The following SNCAIP variants were observed in gnomAD, a reference collection of about 807,000 sequenced individuals.
The protein encoded by SNCAIP is synuclein alpha interacting protein, also known as synphilin-1.
SNCAIP carries 43 observed loss-of-function variants against 86.7 expected under a neutral mutation model. The observed-to-expected ratio is 0.50, with a 90% CI of 0.39 to 0.64. The LOEUF is 0.64. Ranked by LOEUF, SNCAIP falls within the 30% of genes least tolerant of loss-of-function variation. SNCAIP has a pLI of 0.00. For synonymous variants in SNCAIP, 417 were observed against 427.2 expected, an observed-to-expected ratio of 0.98 and a Z score of 0.29; for missense variants, 981 against 1,103.1, an observed-to-expected ratio of 0.89 and a Z score of 1.57.
At chr5:122,435,493 A>C (rs762650699) in intron 6 of SNCAIP, among the ~76,000 whole-genome samples, 12 of 152,156 alleles carry the variant, frequency 7.9e-5, no homozygotes, top group Non-Finnish European at 1.3e-4. Flanking sequence ...GTTACTTTCA[A>C]CATCAAACCT....
intron 1 of SNCAIP, among the ~76,000 whole-genome samples, chr5:122,330,903 A>G (rs559453791): frequency 2.6e-4 from 39 of 151,916 alleles, no homozygotes; most frequent in Middle Eastern, 6.8e-3. Context: ...CTGCAACTAG[A>G]TGGTCCCATT....
chr5:122,419,189 A>T (rs1175778794), intron 3 of SNCAIP, among the ~76,000 whole-genome samples: 1 of 152,012 alleles, frequency 6.6e-6, no homozygotes, highest in Admixed American at 6.6e-5. Context: ...TAGCATCTGG[A>T]TGTGTTAGGG....
chr5:122,380,086 T>C (rs181684502), intron 1 of SNCAIP, among the ~76,000 whole-genome samples: 3,374 of 152,130 alleles, frequency 0.022, 127 homozygotes, highest in African/African-American at 0.075. Context: ...CCTCTTTTTC[T>C]ATTGATTGGA....
At chr5:122,322,079 A>G (rs962293968) in intron 1 of SNCAIP, among the ~76,000 whole-genome samples, 1 of 152,226 alleles carries the variant, frequency 6.6e-6, no homozygotes, top group South Asian at 2.1e-4. Context: ...TTAAATATAC[A>G]AGAGAAGAGT....
chr5:122,406,846 C>A lies in SNCAIP; in HGVS notation c.130+2981C>A, dbSNP rs190756606. 9.6e-3 allele frequency among the ~76,000 whole-genome samples: 1,464 copies of A among 152,186 alleles called. 14 individuals carry two copies. Among genetic ancestry groups the A allele is most frequent in the Middle Eastern group, 0.017 (5 of 292 alleles). On this transcript the variant is annotated intron_variant, in intron 3 of 10. Coordinates refer to ENST00000261368, the MANE Select transcript of SNCAIP (RefSeq NM_005460.4). ...CCCAATCTCGGGTATTTCTTTATAGCAGTGCAAGAATAGACTAATATGATA... is the reference window on the plus strand; with the variant it reads ...CCCAATCTCGGGTATTTCTTTATAGAAGTGCAAGAATAGACTAATATGATA...
intron 1 of SNCAIP, among the ~76,000 whole-genome samples, chr5:122,323,698 G>T (rs1358770616): frequency 1.3e-5 from 2 of 152,178 alleles, no homozygotes; most frequent in African/African-American, 2.4e-5. Flanking sequence ...CACGAAAATA[G>T]AGTGTTCTTT....
upstream of SNCAIP, chr5:122,312,233 G>C (rs949740575): frequency 6.6e-6 from 1 of 151,124 alleles, no homozygotes; most frequent in Non-Finnish European, 1.5e-5. Context: ...TCCGTCGGTC[G>C]GTCAGTCAGT....
In SNCAIP at chr5:122,423,524, T is replaced by C; in HGVS notation, c.787T>C (p.Phe263Leu). 1 of 1,614,160 alleles carries C rather than the reference T, an allele frequency of 6.2e-7. No individual in the cohort carries two copies. ...GAGTAAAGACTTCCTAAACAAGACA[T>C]TTAGTGATCCTCATGGTCGAAAAGT... Reference protein sequence around the residue: ...NQSKDFLNKTFSDPHGRKVEK... With the variant: ...NQSKDFLNKTLSDPHGRKVEK... Residue 263 changes from phenylalanine to leucine, a missense_variant, in exon 4 of 11, where the codon TTT becomes CTT. By Grantham distance (22) the Phe-to-Leu change is conservative. Transcript: ENST00000261368.
intron 10 of SNCAIP, among the ~76,000 whole-genome samples, chr5:122,457,742 A>G (rs1161576574): frequency 2.0e-5 from 3 of 152,164 alleles, no homozygotes; most frequent in Admixed American, 6.5e-5. Flanking sequence ...ATTTTATACC[A>G]TGACTTGGAG....
chr5:122,452,653 A>G (rs1388262668), intron 10 of SNCAIP, among the ~76,000 whole-genome samples: 1 of 152,190 alleles, frequency 6.6e-6, no homozygotes, highest in Non-Finnish European at 1.5e-5. Flanking sequence ...TTCAGCTAGA[A>G]AAGGCATACT....
chr5:122,386,904 G>T (rs998227559), intron 1 of SNCAIP, among the ~76,000 whole-genome samples: 1 of 151,992 alleles, frequency 6.6e-6, no homozygotes, highest in African/African-American at 2.4e-5. Flanking sequence ...AAAAAGAAAT[G>T]GGATGATTTC....
chr5:122,371,472 A>G (rs1380926458), intron 1 of SNCAIP: 1 of 152,154 alleles, frequency 6.6e-6, no homozygotes, highest in Non-Finnish European at 1.5e-5. Context: ...CAGAGGTGTA[A>G]ACAACCATAT....
At chr5:122,344,154 G>A (rs550959709) in intron 1 of SNCAIP, among the ~76,000 whole-genome samples, 1 of 152,200 alleles carries the variant, frequency 6.6e-6, no homozygotes, top group East Asian at 1.9e-4. Flanking sequence ...CCGCTAAAAT[G>A]TAAGCTTCAT....
At chr5:122,397,874 T>G (rs1335707268) in intron 2 of SNCAIP, among the ~76,000 whole-genome samples, 2 of 151,916 alleles carry the variant, frequency 1.3e-5, no homozygotes, top group African/African-American at 4.8e-5. Context: ...TAAATAAAAC[T>G]AAGGGAACTA....
At chr5:122,398,773 G>A (rs1273610247) in intron 2 of SNCAIP, among the ~76,000 whole-genome samples, 4 of 151,998 alleles carry the variant, frequency 2.6e-5, no homozygotes, top group Non-Finnish European at 4.4e-5. Context: ...TCGCTTAGTC[G>A]GCTCCAGTTT....
At position 122,425,436 on chromosome 5, in the gene SNCAIP, G is replaced by T. The variant is rs145038921; in HGVS notation, c.1087G>T (p.Ala363Ser). 1.9e-6 allele frequency: 3 copies of T among 1,613,602 alleles called. No homozygotes were observed. The highest frequency in any genetic ancestry group is 2.5e-6 in the Non-Finnish European group (3 of 1,179,516). ...LLHIAASQGH[A>S]ECLQHLTSLM... ...ACATATTGCGGCGTCACAGGGACACGCAGAGTGTCTACAGCACCTCACTTC... is the reference window on the plus strand; with the variant it reads ...ACATATTGCGGCGTCACAGGGACACTCAGAGTGTCTACAGCACCTCACTTC... Residue 363 changes from alanine (A) to serine (S), a missense_variant, in exon 5 of 11, where the codon GCA becomes TCA. By Grantham distance (99) the Ala-to-Ser change is moderately conservative. Coordinates refer to ENST00000261368, the MANE Select transcript of SNCAIP (RefSeq NM_005460.4).
intron 1 of SNCAIP, among the ~76,000 whole-genome samples, chr5:122,323,069 A>C (rs1024670727): frequency 6.6e-6 from 1 of 152,178 alleles, no homozygotes; most frequent in Non-Finnish European, 1.5e-5. Context: ...GTTTAAAAGA[A>C]TTTTCATAAA....
Position 122,450,905 on chromosome 5 carries a change from G to A in SNCAIP, c.2058G>A (p.Glu686=). 1 of 1,614,080 alleles carries A rather than the reference G, an allele frequency of 6.2e-7. No individual in the cohort carries two copies. Among genetic ancestry groups the A allele is most frequent in the Non-Finnish European group, 8.5e-7 (1 of 1,180,014 alleles). Residue 686 remains glutamate, a synonymous_variant, in exon 10 of 11, where the codon GAG becomes GAA. Transcript: ENST00000261368. The stretch of plus-strand genomic sequence containing the variant: ...CTGACACAGACTCCAACAACTCTGA[G>A]GACCCCAAGACTACCCCAGTGAGGA... ...SESDTDSNNS[E]DPKTTPVRKA...
chr5:122,313,915 A>G (rs918455485), intron 1 of SNCAIP, among the ~76,000 whole-genome samples: 7 of 152,252 alleles, frequency 4.6e-5, no homozygotes, highest in African/African-American at 1.4e-4. Context: ...GAAATAAAAT[A>G]TAGCATGGGA....
Sources: gnomAD v4.1 joint callset for allele counts (sites outside exome capture counted in the v4.1 genomes callset) on GRCh38, gnomAD v4.1.1 for gene constraint, MANE v1.5 for transcripts, NCBI Gene and HGNC (gene_info 2026-07-23, HGNC 2026-07-21) for gene names.